The following PLTP variants were observed in gnomAD, a reference collection of about 807,000 sequenced individuals.
PLTP encodes phospholipid transfer protein.
PLTP carries 43 observed loss-of-function variants against 54.1 expected under a neutral mutation model. That is an observed-to-expected ratio of 0.79 (90% CI 0.62 to 1.02). The LOEUF (loss-of-function observed/expected upper bound fraction) is 1.02, where lower values mean the gene tolerates loss of function less well. Among genes scored for constraint, PLTP ranks in the 50% least tolerant of loss-of-function variants. The pLI, the probability that PLTP is intolerant of heterozygous loss-of-function variation, is 0.00. For missense variants in PLTP, 604 were observed against 645.9 expected (o/e 0.94, Z 0.70); for synonymous variants, 263 against 264.6 (o/e 0.99, Z 0.06).
At chr20:45,909,696 C>T (rs754525960) in intron 4 of PLTP, 25 bp from the exon 5 acceptor site, 138 of 1,613,562 alleles carry the variant, frequency 8.6e-5, no homozygotes, top group Non-Finnish European at 1.1e-4. Flanking sequence ...AATATTCACT[C>T]CAGGTAGGAG....
Position 45,905,063 on chromosome 20 carries a change from T to G in PLTP, c.761A>C (p.Glu254Ala). ...RNWSLPNRAV[E>A]PQLQEEERMV... ...CCGCTCTTCCTCCTGCAGCTGGGGC[T>G]CCACTGCCCGGTTGGGGAGGCTCCA... The change falls in exon 9 of 16, where the codon GAG becomes GCG. Residue 254 changes from glutamate (E) to alanine (A), a missense_variant. Transcript: ENST00000372431. 1 of 1,614,134 alleles carries G rather than the reference T, an allele frequency of 6.2e-7. No homozygotes were observed. The highest frequency in any genetic ancestry group is 8.5e-7 in the Non-Finnish European group (1 of 1,179,974).
intron 13 of PLTP, 61 bp downstream of exon 13, chr20:45,899,775 G>A: frequency 1.3e-6 from 2 of 1,586,222 alleles, no homozygotes; most frequent in South Asian, 2.3e-5. Context: ...TGAGGAGGGG[G>A]GGATGGTGAG....
chr20:45,908,896 C>G (rs2083264059), intron 5 of PLTP, among the ~76,000 whole-genome samples: 1 of 151,884 alleles, frequency 6.6e-6, no homozygotes, highest in Non-Finnish European at 1.5e-5. Flanking sequence ...ATAGTCCTCA[C>G]AGTTACTCTT....
intron 13 of PLTP, 29 bp downstream of exon 13, chr20:45,899,807 G>GGGCCCGCGCCC: frequency 7.3e-7 from 1 of 1,369,468 alleles, no homozygotes; most frequent in Non-Finnish European, 1.0e-6. Context: ...CACGAACCCA[G>GGGCCCGCGCCC]CCCAGCCCAC....
intron 4 of PLTP, 106 bp from the exon 5 acceptor site, chr20:45,909,777 C>A: frequency 7.0e-7 from 1 of 1,438,444 alleles, no homozygotes; most frequent in South Asian, 1.2e-5. Flanking sequence ...TTCCACACAT[C>A]CTACCAAACC....
In PLTP at chr20:45,909,506, T is replaced by G. The variant is rs745512781; in HGVS notation, c.485+10A>C. On this transcript the variant is annotated intron_variant, in intron 5 of 15. Transcript: ENST00000372431. ...GAAAAGGGTGAGCTGGGGTTGGGGCTGGGGCTTACTTGAAGGTTCCCCCGA... is the reference window on the plus strand; with the variant it reads ...GAAAAGGGTGAGCTGGGGTTGGGGCGGGGGCTTACTTGAAGGTTCCCCCGA... 6.2e-7 allele frequency: 1 copy of G among 1,613,884 alleles called. No homozygotes were observed. The highest frequency in any genetic ancestry group is 1.3e-5 in the African/African-American group (1 of 74,916).
chr20:45,902,566 C>T lies in PLTP; in HGVS notation c.981G>A (p.Leu327=). The change falls in exon 11 of 16, where the codon CTG becomes CTA. Residue 327 remains leucine, a synonymous_variant. Transcript: ENST00000372431. The stretch of plus-strand genomic sequence containing the variant: ...TGCAGCGCGGTGGGGCCAGGACCCG[C>T]AGCTCCAGCTTCAATGGGGAGTCAA... The part of the protein sequence containing the change: ...AVIDSPLKLE[L]RVLAPPRCTI... 1 of 1,613,696 alleles carries T rather than the reference C, an allele frequency of 6.2e-7. No homozygotes were observed. The highest frequency in any genetic ancestry group is 1.1e-5 in the South Asian group (1 of 91,052).
chr20:45,906,451 G>A, intron 7 of PLTP, 92 bp from the exon 8 acceptor site: 1 of 919,542 alleles, frequency 1.1e-6, no homozygotes, highest in Non-Finnish European at 1.8e-6. Context: ...ATAAAATGAG[G>A]ATACATCCTT....
intron 6 of PLTP, 32 bp downstream of exon 6, chr20:45,907,809 C>T (rs777891117): frequency 1.9e-6 from 3 of 1,607,568 alleles, no homozygotes; most frequent in South Asian, 1.1e-5. Flanking sequence ...CATGCCCACC[C>T]TTGCCACCCT....
chr20:45,906,357 G>C lies in PLTP; in HGVS notation c.616C>G (p.Arg206Gly). 1 of 1,612,522 alleles carries C rather than the reference G, an allele frequency of 6.2e-7. No individual in the cohort carries two copies. Among genetic ancestry groups the C allele is most frequent in the Non-Finnish European group, 8.5e-7 (1 of 1,179,018 alleles). The change falls in exon 8 of 16, where the codon CGC becomes GGC. Residue 206 changes from arginine (R) to glycine (G), a missense_variant and splice_region_variant. Physicochemically the swap from Arg to Gly is moderately radical, Grantham distance 125. Coordinates refer to ENST00000372431, the MANE Select transcript of PLTP (RefSeq NM_006227.4). ...LNSLLDTVPV[R>G]SSVDELVGID... ...CCAACAAGCTCGTCCACAGAACTGC[G>C]CACTGCAGGAAGGGGCTCAAGTCAC...
At chr20:45,899,806 A>AAG in intron 13 of PLTP, 30 bp downstream of exon 13, 1 of 1,303,172 alleles carries the variant, frequency 7.7e-7, no homozygotes, top group African/African-American at 1.5e-5. Flanking sequence ...TCACGAACCC[A>AAG]GCCCAGCCCA....
rs1413845114 is a variant in PLTP, at chr20:45,899,072, G to A, written c.1360-9C>T. The A allele has an allele frequency of 6.2e-7, 1 of 1,614,164 alleles. No homozygotes were observed. The highest frequency in any genetic ancestry group is 2.2e-5 in the East Asian group (1 of 44,876). On this transcript the variant is annotated splice_polypyrimidine_tract_variant and intron_variant, in intron 15 of 15. Transcript: ENST00000372431. ...CCGATGGTGAGGAATCCCTGTGTTG[G>A]GGAGAGGGGAGCCTCATTTATTCAT...
At position 45,907,765 on chromosome 20, in the gene PLTP, G is replaced by A; in HGVS notation, c.550-10C>T. The A allele has an allele frequency of 1.9e-6, 3 of 1,613,130 alleles. No homozygotes were observed. The highest frequency in any genetic ancestry group is 1.7e-6 in the Non-Finnish European group (2 of 1,179,776). On this transcript the variant is annotated splice_polypyrimidine_tract_variant and intron_variant, in intron 6 of 15. Coordinates refer to ENST00000372431, the MANE Select transcript of PLTP (RefSeq NM_006227.4). The stretch of plus-strand genomic sequence containing the variant: ...AGAGGACAGGGCAGATCTGCGAGGT[G>A]GGAGCCAGAGTCAGGGCCTTCTCAA...
At position 45,911,102 on chromosome 20, in the gene PLTP, T is replaced by C. The variant is rs185353089; in HGVS notation, c.200+50A>G. 3.1e-6 allele frequency: 5 copies of C among 1,610,302 alleles called. No homozygotes were observed. The African/African-American group carries it at 5.3e-5, about 17-fold the overall frequency. ...ACCCTGAGATTTCTCGGGCCCCGCCTCCACCGCCGAGGCCCCGCCCCGGAT... is the reference window on the plus strand; with the variant it reads ...ACCCTGAGATTTCTCGGGCCCCGCCCCCACCGCCGAGGCCCCGCCCCGGAT... On this transcript the variant is annotated intron_variant, in intron 3 of 15. Coordinates refer to ENST00000372431, the MANE Select transcript of PLTP (RefSeq NM_006227.4).
chr20:45,909,667 C>T lies in PLTP; in HGVS notation c.334G>A (p.Asp112Asn). ...RRQLLYWFFYDGGYINASAEG... is the reference protein window; with the variant it reads ...RRQLLYWFFYNGGYINASAEG... Reference sequence around the variant, plus strand: ...GCTGAGGCGTTGATGTAGCCCCCATCATAGCTGCCAGGGGGGTTAATATTC... The same window carrying T: ...GCTGAGGCGTTGATGTAGCCCCCATTATAGCTGCCAGGGGGGTTAATATTC... Residue 112 changes from aspartate (D) to asparagine (N), a missense_variant, in exon 5 of 16, where the codon GAT becomes AAT. Physicochemically the swap from Asp to Asn is conservative, Grantham distance 23. Coordinates refer to ENST00000372431, the MANE Select transcript of PLTP (RefSeq NM_006227.4). 6.2e-7 allele frequency: 1 copy of T among 1,614,168 alleles called. No homozygotes were observed.
At chr20:45,911,089 C>A (rs544262255) in intron 3 of PLTP, 63 bp downstream of exon 3, 11 of 1,612,050 alleles carry the variant, frequency 6.8e-6, no homozygotes, top group East Asian at 4.5e-5. Context: ...CCTGAGATTT[C>A]TCGGGCCCCG....
intron 7 of PLTP, among the ~76,000 whole-genome samples, chr20:45,907,416 T>C (rs1015360417): frequency 2.0e-5 from 3 of 151,570 alleles, no homozygotes; most frequent in Non-Finnish European, 4.4e-5. Flanking sequence ...TGAAGACAAA[T>C]GGGATGCCAG....
rs2083299706 is a variant in PLTP at position 45,912,104 on chromosome 20, C to G, written c.-37G>C. 1 of 154,144 alleles carries G rather than the reference C, an allele frequency of 6.5e-6. No individual in the cohort carries two copies. Among genetic ancestry groups the G allele is most frequent in the Admixed American group, 6.4e-5 (1 of 15,562 alleles). 9.5% of individuals were successfully genotyped at this position (154,144 alleles called of 1,614,324 possible). On this transcript the variant is annotated 5_prime_UTR_variant, in exon 1 of 16. Transcript: ENST00000372431. ...TCAGCGGTGGAGCTGGGGGGCGGCG[C>G]GGTCACGTGGGATGGCGGGCAGCTC...
chr20:45,910,733 G>A (rs1405739558), intron 3 of PLTP: 3 of 753,012 alleles, frequency 4.0e-6, no homozygotes, highest in Admixed American at 9.3e-5. Flanking sequence ...CCTAAGCTCC[G>A]TCTCACATCT....
Sources: gnomAD v4.1 joint callset for allele counts (sites outside exome capture counted in the v4.1 genomes callset) on GRCh38, gnomAD v4.1.1 for gene constraint, MANE v1.5 for transcripts, NCBI Gene and HGNC (gene_info 2026-07-23, HGNC 2026-07-21) for gene names.